Variants in SDK1 observed in about 807,000 individuals in gnomAD.
SDK1 encodes the protein sidekick cell adhesion molecule 1, also known as protein sidekick-1.
A neutral mutation model predicts 245.5 loss-of-function variants in SDK1; 157 were observed. The ratio of observed to expected loss-of-function variants is 0.64; its 90% CI spans 0.56 to 0.73. The LOEUF (loss-of-function observed/expected upper bound fraction) is 0.73. SDK1 is among the 30% of genes least tolerant of loss of function. The pLI is 0.00. For synonymous variants in SDK1, 1,647 were observed against 1,278.5 expected, an observed-to-expected ratio of 1.29 and a Z score of -6.15; for missense variants, 3,583 against 3,002.3, an observed-to-expected ratio of 1.19 and a Z score of -4.52.
rs560124026 is a variant in SDK1 at position 3,357,328 on chromosome 7, G to GTTTTTTTTTTTTTTTTTTTTTTTT, written c.298+55460_298+55483dup. Among the ~76,000 whole-genome samples the GTTTTTTTTTTTTTTTTTTTTTTTT allele has an allele frequency of 2.5e-4, 13 of 52,946 alleles. 3 individuals carry two copies. The highest frequency in any genetic ancestry group is 3.5e-4 in the Non-Finnish European group (10 of 28,316). The allele number at this position is 52,946 out of a possible 152,430, so 34.7% of individuals were successfully genotyped here. On this transcript the variant is annotated intron_variant, in intron 1 of 44. Transcript: ENST00000404826. ...TTACTCTTGCTCCCCTTCTTTTAGT[G>GTTTTTTTTTTTTTTTTTTTTTTTT]TTTTTTTTTTTTTTTTTTTTTTTTT...
intron 1 of SDK1, among the ~76,000 whole-genome samples, chr7:3,318,310 C>G (rs1355991403): frequency 6.6e-6 from 1 of 152,182 alleles, no homozygotes; most frequent in African/African-American, 2.4e-5. Context: ...GGATTCAAAT[C>G]CTGACCCTGC....
intron 4 of SDK1, among the ~76,000 whole-genome samples, chr7:3,738,183 C>A (rs772207898): frequency 1.3e-5 from 2 of 152,172 alleles, no homozygotes; most frequent in Non-Finnish European, 2.9e-5. Context: ...AATTTTAGGT[C>A]TTAGGTTTAA....
intron 26 of SDK1, 21 bp downstream of exon 26, chr7:4,127,517 C>G (rs952531379): frequency 6.4e-7 from 1 of 1,560,156 alleles, no homozygotes; most frequent in Non-Finnish European, 8.8e-7. Flanking sequence ...ACAGGATGAC[C>G]TCCCTTTGCT....
At position 4,233,290 on chromosome 7, in the gene SDK1, C is replaced by G. The variant is rs376242565; in HGVS notation, c.5863C>G (p.Pro1955Ala). The change falls in exon 41 of 45, where the codon CCG (proline) becomes GCG (alanine). Residue 1955 changes from proline to alanine, a missense_variant. By Grantham distance (27) the Pro-to-Ala change is conservative. Transcript: ENST00000404826. ...ATGGGACATGTTTGTGAAGGACATC[C>G]CGCGGAGCGCCACATCCTACACCCT... ...GLWDMFVKDI[P>A]RSATSYTLSL... is the part of the protein sequence containing the mutation. 5.9e-5 allele frequency: 95 copies of G among 1,613,774 alleles called. No individual in the cohort carries two copies. The South Asian group carries it at 1.0e-3, about 17-fold the overall frequency.
chr7:3,651,082 C>A (rs181764717), intron 4 of SDK1, among the ~76,000 whole-genome samples: 120 of 151,430 alleles, frequency 7.9e-4, no homozygotes, highest in Non-Finnish European at 1.4e-3. Flanking sequence ...ACACACATGC[C>A]CAGGAGTGGA....
At chr7:3,663,019 T>G (rs1783414508) in intron 4 of SDK1, among the ~76,000 whole-genome samples, 1 of 152,224 alleles carries the variant, frequency 6.6e-6, no homozygotes, top group African/African-American at 2.4e-5. Flanking sequence ...TAGATGTGTA[T>G]GCATATATGT....
chr7:3,552,066 C>G (rs570129189), intron 1 of SDK1, among the ~76,000 whole-genome samples: 5 of 151,072 alleles, frequency 3.3e-5, no homozygotes, highest in Admixed American at 6.6e-5. Context: ...TGAGCCGGAG[C>G]CTCGCTCTGT....
At chr7:3,416,075 A>G (rs1779358049) in intron 1 of SDK1, among the ~76,000 whole-genome samples, 2 of 152,214 alleles carry the variant, frequency 1.3e-5, no homozygotes, top group African/African-American at 4.8e-5. Context: ...CTTTGCTGCA[A>G]AAGTCATTGC....
chr7:3,979,489 T>C (rs1279479180), intron 13 of SDK1, among the ~76,000 whole-genome samples: 1 of 152,138 alleles, frequency 6.6e-6, no homozygotes, highest in Non-Finnish European at 1.5e-5. Flanking sequence ...GTGCCAGGTA[T>C]ACAGTAGGAA....
In SDK1 at chr7:4,158,624, C is replaced by T. The variant is rs560808920; in HGVS notation, c.4729+73C>T. On this transcript the variant is annotated intron_variant, in intron 31 of 44. Transcript: ENST00000404826. ...GCCCGAGATACTTAGGCCACACTTT[C>T]GTCTTGAGCCAGAAAGGGGCCACCA... 2.9e-4 allele frequency: 333 copies of T among 1,129,548 alleles called. 1 individual carries two copies. The highest frequency in any genetic ancestry group is 1.1e-3 in the South Asian group (89 of 78,040). The allele number at this position is 1,129,548 out of a possible 1,614,324, so 70.0% of individuals were successfully genotyped here.
At chr7:3,467,003 C>T (rs1562503533) in intron 1 of SDK1, among the ~76,000 whole-genome samples, 1 of 150,422 alleles carries the variant, frequency 6.6e-6, no homozygotes, top group East Asian at 1.9e-4. Context: ...CACACACACA[C>T]ACACACACAC....
chr7:3,609,036 G>A (rs1473710177), intron 1 of SDK1, among the ~76,000 whole-genome samples: 1 of 152,032 alleles, frequency 6.6e-6, no homozygotes, highest in Non-Finnish European at 1.5e-5. Flanking sequence ...TTTGAAAAAG[G>A]GTTAAACAGT....
In SDK1 at chr7:4,213,012, C is replaced by T. The variant is rs536714485; in HGVS notation, c.5539+2850C>T. 3.9e-5 allele frequency among the ~76,000 whole-genome samples: 6 copies of T among 152,214 alleles called. No individual in the cohort carries two copies. In the South Asian group the frequency reaches 6.2e-4, roughly 16 times the overall value. ...GTGAGAAAGTGCTTCATGGGCTGGG[C>T]GCAGGGGCCTGTAATCCCAGCACTT... On this transcript the variant is annotated intron_variant, in intron 38 of 44. Transcript: ENST00000404826.
Position 3,336,531 on chromosome 7 carries a change from G to A in SDK1, c.298+34647G>A, listed in dbSNP as rs564038275. On this transcript the variant is annotated intron_variant, in intron 1 of 44. Transcript: ENST00000404826. ...CTTCCATCCCCATCATCCCCTGGTG[G>A]GGAGGTGTGAGCCTCCACACCCACT... Among the ~76,000 whole-genome samples the A allele has an allele frequency of 3.8e-4, 58 of 152,274 alleles. 1 individual carries two copies. Among genetic ancestry groups the A allele is most frequent in the Non-Finnish European group, 7.2e-4 (49 of 68,016 alleles).
At chr7:3,420,690 A>G (rs1042087707) in intron 1 of SDK1, among the ~76,000 whole-genome samples, 7 of 152,224 alleles carry the variant, frequency 4.6e-5, no homozygotes, top group African/African-American at 1.4e-4. Flanking sequence ...ATCTCATTAT[A>G]TTCTTTTTTA....
intron 5 of SDK1, among the ~76,000 whole-genome samples, chr7:3,837,935 A>G (rs1562480761): frequency 6.6e-6 from 1 of 152,158 alleles, no homozygotes; most frequent in Non-Finnish European, 1.5e-5. Flanking sequence ...GGAGTGATCT[A>G]ACAGTGGTAA....
chr7:3,538,067 G>C (rs1157093666), intron 1 of SDK1, among the ~76,000 whole-genome samples: 1 of 152,184 alleles, frequency 6.6e-6, no homozygotes, highest in Non-Finnish European at 1.5e-5. Context: ...TCCTGGGTGG[G>C]AAGACATGAC....
At chr7:3,587,518 G>C (rs538164722) in intron 1 of SDK1, among the ~76,000 whole-genome samples, 1 of 152,140 alleles carries the variant, frequency 6.6e-6, no homozygotes, top group East Asian at 1.9e-4. Context: ...CCAAGTACAG[G>C]AGAAGATTGA....
chr7:4,076,008 C>T (rs919403041), intron 20 of SDK1, among the ~76,000 whole-genome samples: 6 of 152,036 alleles, frequency 3.9e-5, no homozygotes, highest in East Asian at 1.9e-4. Context: ...AATAAATTTT[C>T]GTCATGAGGC....
Sources: gnomAD v4.1 joint callset for allele counts (sites outside exome capture counted in the v4.1 genomes callset) on GRCh38, gnomAD v4.1.1 for gene constraint, MANE v1.5 for transcripts, NCBI Gene and HGNC (gene_info 2026-07-23, HGNC 2026-07-21) for gene names.